Variants in IRAK1 observed in about 807,000 individuals in gnomAD.
IRAK1 encodes interleukin 1 receptor associated kinase 1, also known as interleukin-1 receptor-associated kinase 1.
IRAK1 carries 9 observed loss-of-function variants against 49.8 expected under a neutral mutation model. The ratio of observed to expected loss-of-function variants is 0.18; its 90% CI spans 0.11 to 0.32. The LOEUF (loss-of-function observed/expected upper bound fraction) is 0.32, where lower values mean the gene tolerates loss of function less well. Ranked by LOEUF, IRAK1 falls within the 10% of genes least tolerant of loss-of-function variation. IRAK1 has a pLI of 1.00. For synonymous variants in IRAK1, 282 were observed against 270.8 expected, an observed-to-expected ratio of 1.04 and a Z score of -0.41; for missense variants, 418 against 600.5, an observed-to-expected ratio of 0.70 and a Z score of 3.18.
intron 11 of IRAK1, 58 bp from the exon 12 acceptor site, chrX:154,013,491 G>A (rs2065716622): frequency 1.8e-6 from 2 of 1,094,083 alleles, no homozygotes; most frequent in Middle Eastern, 2.8e-4. Context: ...CGGTCACCCC[G>A]TGGGCAAACC....
rs1405383446 is a variant in IRAK1 at position 154,018,955 on chromosome X, G to A, written c.540+20C>T. 1.8e-6 allele frequency: 2 copies of A among 1,124,417 alleles called. No homozygotes were observed. The highest frequency in any genetic ancestry group is 3.6e-5 in the African/African-American group (2 of 55,409). The allele number at this position is 1,124,417 out of a possible 1,213,427, so 92.7% of individuals were successfully genotyped here. A position where few individuals can be genotyped will look rare whatever the true frequency, so the allele number is the denominator to read the frequency against. ...TTCCTCCTTGTCTCGAATCTTCCCT[G>A]GGGGGCAGGGGACACCTACCTTGGT... On this transcript the variant is annotated intron_variant, in intron 4 of 13. Transcript: ENST00000369980.
chrX:154,010,651 G>A lies in IRAK1; in HGVS notation c.*1208C>T, dbSNP rs2065690911. ...CCCTGGGCTACTTTTGGACACGCAA[G>A]AGGACACTCGGTTACATGAAACCTG... is the stretch of plus-strand genomic sequence containing the variant. On this transcript the variant is annotated 3_prime_UTR_variant, in exon 14 of 14. Coordinates refer to ENST00000369980, the MANE Select transcript of IRAK1 (RefSeq NM_001569.4). The A allele has an allele frequency of 4.7e-6, 1 of 211,955 alleles. No homozygotes were observed. Among genetic ancestry groups the A allele is most frequent in the Non-Finnish European group, 9.0e-6 (1 of 110,632 alleles). The allele number at this position is 211,955 out of a possible 1,213,427, so 17.5% of individuals were successfully genotyped here.
At position 154,019,040 on chromosome X, in the gene IRAK1, C is replaced by T. The variant is rs781996777; in HGVS notation, c.475G>A (p.Gly159Ser). ...GSQTHSGPELGLVPSPASLWP... is the reference protein window; with the variant it reads ...GSQTHSGPELSLVPSPASLWP... ...AGGGAAGCAGGGCTTGGGACCAGGC[C>T]GAGCTCAGGCCCTGAATGGGTCTGG... The change falls in exon 4 of 14, where the codon GGC becomes AGC. Residue 159 changes from glycine (G) to serine (S), a missense_variant. Transcript: ENST00000369980. The T allele has an allele frequency of 1.1e-5, 13 of 1,210,100 alleles. No individual in the cohort carries two copies. The South Asian group carries it at 1.9e-4, about 18-fold the overall frequency.
Position 154,011,682 on chromosome X carries a change from A to G in IRAK1, c.*177T>C. 1.9e-6 allele frequency: 1 copy of G among 524,808 alleles called. No homozygotes were observed. The highest frequency in any genetic ancestry group is 3.4e-6 in the Non-Finnish European group (1 of 289,916). The allele number at this position is 524,808 out of a possible 1,213,427, so 43.3% of individuals were successfully genotyped here. A position where few individuals can be genotyped will look rare whatever the true frequency, so the allele number is the denominator to read the frequency against. On this transcript the variant is annotated 3_prime_UTR_variant, in exon 14 of 14. Coordinates refer to ENST00000369980, the MANE Select transcript of IRAK1 (RefSeq NM_001569.4). ...GATGCTGGCATGGAGGCAGGGTTCC[A>G]CTCTGCCTGCCTATGCCCACAGAGC... is the stretch of plus-strand genomic sequence containing the variant.
chrX:154,016,888 G>A, intron 8 of IRAK1, 61 bp downstream of exon 8: 1 of 850,357 alleles, frequency 1.2e-6, no homozygotes, highest in South Asian at 2.0e-5. Context: ...CACATTGATA[G>A]GACGCGGGGC....
At chrX:154,017,248 G>A (rs1367170887) in intron 7 of IRAK1, among the ~76,000 whole-genome samples, 181 bp from the exon 8 acceptor site, 2 of 112,546 alleles carry the variant, frequency 1.8e-5, no homozygotes, top group East Asian at 5.6e-4. Flanking sequence ...AATGGCTGGG[G>A]ACACGTTCAA....
At position 154,012,521 on chromosome X, in the gene IRAK1, G is replaced by A. The variant is rs373414146; in HGVS notation, c.2080+8C>T. ...GAGCACCCCAGAGGCCAGCCTGGGC[G>A]GCAGCACCTGGGAGGGAGCTGGACG... is the stretch of plus-strand genomic sequence containing the variant. On this transcript the variant is annotated splice_region_variant and intron_variant, in intron 13 of 13. Coordinates refer to ENST00000369980, the MANE Select transcript of IRAK1 (RefSeq NM_001569.4). 3 of 1,203,581 alleles carry A rather than the reference G, an allele frequency of 2.5e-6. No individual in the cohort carries two copies. The highest frequency in any genetic ancestry group is 3.5e-5 in the African/African-American group (2 of 57,392).
At position 154,016,021 on chromosome X, in the gene IRAK1, A is replaced by C; in HGVS notation, c.1302+11T>G. On this transcript the variant is annotated intron_variant, in intron 10 of 13. Transcript: ENST00000369980. ...TGTGTGTCCCTCCTGGCCCTGCCTC[A>C]AGGGGCTCACCAGATACTTGGTCCT... 1 of 1,204,645 alleles carries C rather than the reference A, an allele frequency of 8.3e-7. No individual in the cohort carries two copies. Among genetic ancestry groups the C allele is most frequent in the Non-Finnish European group, 1.1e-6 (1 of 889,294 alleles).
At chrX:154,016,873 A>G in intron 8 of IRAK1, 76 bp downstream of exon 8, 1 of 769,938 alleles carries the variant, frequency 1.3e-6, no homozygotes, top group Non-Finnish European at 2.0e-6. Flanking sequence ...GCCATGCCTG[A>G]TCCCCACATT....
chrX:154,016,163 A>G (rs1371643749), intron 9 of IRAK1, 66 bp from the exon 10 acceptor site: 43 of 955,183 alleles, frequency 4.5e-5, no homozygotes, highest in Non-Finnish European at 6.0e-5. Flanking sequence ...TGGTGTGGAC[A>G]TGGATTGGGC....
In IRAK1 at chrX:154,012,537, G is replaced by C. The variant is rs147444875; in HGVS notation, c.2072C>G (p.Ser691Cys). Residue 691 changes from serine to cysteine, a missense_variant, in exon 13 of 14, where the codon TCC (serine) becomes TGC (cysteine). Around this residue, in one of 3 missense-constraint regions of IRAK1, gnomAD observed 377 missense variants for 499.5 expected, o/e 0.75. Transcript: ENST00000369980. ...AGCCTGGGCGGCAGCACCTGGGAGG[G>C]AGCTGGACGACAGCAGCTGCAGGCT... The part of the protein sequence containing the change: ...LDSLQLLSSS[S>C]LPGLGLEQDR... 6 of 1,209,435 alleles carry C rather than the reference G, an allele frequency of 5.0e-6. No individual in the cohort carries two copies. The highest frequency in any genetic ancestry group is 6.7e-6 in the Non-Finnish European group (6 of 894,245).
chrX:154,019,492 G>C lies in IRAK1; in HGVS notation c.243C>G (p.Ala81=). ...GGTGCGTGAGGATGTGCACGAGGTCGGCCACACGGGCGTTGCGGTTGATCC... is the reference window on the plus strand; with the variant it reads ...GGTGCGTGAGGATGTGCACGAGGTCCGCCACACGGGCGTTGCGGTTGATCC... ...WPWINRNARV[A]DLVHILTHLQ... The change falls in exon 2 of 14, where the codon GCC becomes GCG. Residue 81 remains alanine, a synonymous_variant. Transcript: ENST00000369980. The C allele has an allele frequency of 8.5e-7, 1 of 1,176,471 alleles. No homozygotes were observed. The highest frequency in any genetic ancestry group is 1.8e-5 in the African/African-American group (1 of 56,741).
intron 10 of IRAK1, 155 bp from the exon 11 acceptor site, chrX:154,014,433 G>C: frequency 1.9e-6 from 1 of 533,028 alleles, no homozygotes; most frequent in Non-Finnish European, 3.0e-6. Context: ...TGGTCTCCAA[G>C]TAGGCTCAAG....
chrX:154,012,780 T>A (rs1293618800), intron 12 of IRAK1, 102 bp from the exon 13 acceptor site: 2 of 954,290 alleles, frequency 2.1e-6, no homozygotes, highest in African/African-American at 3.9e-5. Flanking sequence ...CTCAGAGAAG[T>A]CCAAGGGCAG....
intron 10 of IRAK1, among the ~76,000 whole-genome samples, chrX:154,014,687 A>C (rs1557128670): frequency 9.0e-6 from 1 of 110,950 alleles, no homozygotes; most frequent in South Asian, 3.8e-4. Flanking sequence ...CTATCTTGCT[A>C]TGTTGCCCAG....
chrX:154,014,310 A>G (rs782634710), intron 10 of IRAK1, 32 bp from the exon 11 acceptor site: 5 of 1,189,789 alleles, frequency 4.2e-6, no homozygotes, highest in Non-Finnish European at 5.7e-6. Flanking sequence ...TATGGCTACC[A>G]GGTGGCCACA....
intron 7 of IRAK1, 97 bp from the exon 8 acceptor site, chrX:154,017,164 T>C: frequency 1.8e-6 from 1 of 569,772 alleles, no homozygotes. Context: ...GAACAGCCAC[T>C]TCACTCTCTA....
rs2065770976 is a variant in IRAK1 at position 154,019,856 on chromosome X, C to A, written c.-44G>T. On this transcript the variant is annotated 5_prime_UTR_variant, in exon 1 of 14. Coordinates refer to ENST00000369980, the MANE Select transcript of IRAK1 (RefSeq NM_001569.4). ...GGGACCTGCCGGGGCCTCTCAGGGC[C>A]GCGGCGGGCGCGGGCCTGGGCCGGC... 1.4e-6 allele frequency: 1 copy of A among 712,337 alleles called. No individual in the cohort carries two copies. Among genetic ancestry groups the A allele is most frequent in the Non-Finnish European group, 1.7e-6 (1 of 600,602 alleles). The allele number at this position is 712,337 out of a possible 1,213,427, so 58.7% of individuals were successfully genotyped here. A position where few individuals can be genotyped will look rare whatever the true frequency, so the allele number is the denominator to read the frequency against.
Position 154,019,301 on chromosome X carries a change from G to C in IRAK1, c.332C>G (p.Pro111Arg). 2 of 1,177,346 alleles carry C rather than the reference G, an allele frequency of 1.7e-6. No homozygotes were observed. The highest frequency in any genetic ancestry group is 2.3e-6 in the Non-Finnish European group (2 of 877,260). The change falls in exon 3 of 14, where the codon CCA becomes CGA. Residue 111 changes from proline to arginine, a missense_variant. Transcript: ENST00000369980. ...AWHPPAPLPS[P>R]GTTAPRPSSI... ...GCTGGGCCTCGGGGCAGTGGTGCCT[G>C]GGGACGGAAGCGGGGCGGGAGGGTG...
Sources: allele counts gnomAD v4.1 joint callset (sites outside exome capture counted in the v4.1 genomes callset), GRCh38; gene constraint gnomAD v4.1.1; regional missense constraint gnomAD v4.1.1; transcripts MANE v1.5; gene names NCBI Gene and HGNC (gene_info 2026-07-23, HGNC 2026-07-21).